SGCD: variants seen among roughly 807,000 people sequenced by gnomAD.
The protein encoded by SGCD is delta-sarcoglycan.
In SGCD, 18 loss-of-function variants were observed where a neutral mutation model predicts 36.6. The ratio of observed to expected loss-of-function variants is 0.49; its 90% CI spans 0.34 to 0.73. The LOEUF is 0.73. SGCD is among the 30% of genes least tolerant of loss of function. The pLI is 0.01. For missense variants in SGCD, 387 were observed against 346.7 expected (o/e 1.12, Z -0.92); for synonymous variants, 133 against 130.6 (o/e 1.02, Z -0.12).
chr5:156,757,923 C>A (rs1280341054), intron 8 of SGCD: 2 of 1,305,146 alleles, frequency 1.5e-6, no homozygotes, highest in Non-Finnish European at 2.0e-6. Context: ...GAGATAATGG[C>A]ATGTATTCCA....
At chr5:155,999,000 A>G (rs9313769) in intron 1 of SGCD, among the ~76,000 whole-genome samples, 8,275 of 152,280 alleles carry the variant, frequency 0.054, 721 homozygotes, top group African/African-American at 0.18. Context: ...AATCCTACAC[A>G]TAGAAATGTG....
chr5:156,197,257 T>A (rs1764044304), intron 3 of SGCD, among the ~76,000 whole-genome samples: 1 of 152,174 alleles, frequency 6.6e-6, no homozygotes, highest in African/African-American at 2.4e-5. Context: ...TTGCCCTGCA[T>A]GAATAATGTT....
the SGCD span, among the ~76,000 whole-genome samples, chr5:155,823,158 T>C: frequency 1.1e-4 from 17 of 152,026 alleles, no homozygotes; most frequent in African/African-American, 4.1e-4. Flanking sequence ...AAAAGGAGAT[T>C]TATTATGAGG....
chr5:156,289,960 A>G (rs1258302425), intron 3 of SGCD, among the ~76,000 whole-genome samples: 2 of 152,178 alleles, frequency 1.3e-5, no homozygotes, highest in Non-Finnish European at 2.9e-5. Context: ...CATGTGCTGT[A>G]AAACAAACAT....
At chr5:156,236,451 CTT>C (rs34510001) in intron 3 of SGCD, among the ~76,000 whole-genome samples, 16 of 142,128 alleles carry the variant, frequency 1.1e-4, no homozygotes, top group Non-Finnish European at 1.1e-4. Context: ...AATTCGTATA[CTT>C]TTTTTTTTTT....
intron 6 of SGCD, among the ~76,000 whole-genome samples, chr5:156,624,393 AAC>A (rs1225296288): frequency 2.0e-5 from 3 of 152,174 alleles, no homozygotes; most frequent in African/African-American, 4.8e-5. Context: ...CATCCTGACT[AAC>A]ACGGTGAAAA....
intron 1 of SGCD, among the ~76,000 whole-genome samples, chr5:156,114,791 T>C (rs1367516731): frequency 6.6e-6 from 1 of 152,150 alleles, no homozygotes; most frequent in East Asian, 1.9e-4. Flanking sequence ...TAAAGATATA[T>C]TGATTAATGT....
the SGCD span, among the ~76,000 whole-genome samples, chr5:155,755,349 G>A: frequency 6.6e-6 from 1 of 152,140 alleles, no homozygotes; most frequent in Non-Finnish European, 1.5e-5. Flanking sequence ...AGGACTTGAT[G>A]TTTTATTTCT....
chr5:156,440,422 GAAC>G (rs1383722137), intron 3 of SGCD, among the ~76,000 whole-genome samples: 6 of 152,222 alleles, frequency 3.9e-5, no homozygotes, highest in African/African-American at 1.2e-4. Context: ...ATGCTGCGAT[GAAC>G]AACATTTGTG....
At chr5:156,695,495 AGATAGATAGATAGATG>A (rs796893471) in intron 7 of SGCD, among the ~76,000 whole-genome samples, 24 of 108,358 alleles carry the variant, frequency 2.2e-4, no homozygotes, top group African/African-American at 3.6e-4. Context: ...ATAGATAGAT[AGATAGATAGATAGATG>A]GATAGATAGA....
the SGCD span, among the ~76,000 whole-genome samples, chr5:155,793,591 G>T: frequency 1.3e-5 from 2 of 151,148 alleles, no homozygotes; most frequent in African/African-American, 4.9e-5. Context: ...GACCAGGCTG[G>T]AGTGCAGTGG....
intron 7 of SGCD, among the ~76,000 whole-genome samples, chr5:156,687,516 T>C (rs752139766): frequency 1.3e-5 from 2 of 152,182 alleles, no homozygotes; most frequent in Non-Finnish European, 2.9e-5. Context: ...CTGAACTGAA[T>C]AGCTATCGGA....
chr5:156,669,352 G>T (rs536023432), intron 7 of SGCD, among the ~76,000 whole-genome samples: 1 of 152,256 alleles, frequency 6.6e-6, no homozygotes, highest in South Asian at 2.1e-4. Flanking sequence ...TCATCAGGAG[G>T]TCACATAAGC....
intron 3 of SGCD, among the ~76,000 whole-genome samples, chr5:156,422,530 T>C (rs1251393947): frequency 1.3e-5 from 2 of 152,020 alleles, no homozygotes; most frequent in Non-Finnish European, 2.9e-5. Flanking sequence ...TCACTGAAAA[T>C]GGCTATGCCA....
At chr5:156,389,595 T>G (rs1315312921) in intron 3 of SGCD, among the ~76,000 whole-genome samples, 3 of 152,056 alleles carry the variant, frequency 2.0e-5, no homozygotes, top group Admixed American at 6.6e-5. Context: ...GCTAGAGGGT[T>G]TCAGAATGAA....
chr5:156,522,063 G>T (rs1421264967), intron 4 of SGCD, among the ~76,000 whole-genome samples: 1 of 152,134 alleles, frequency 6.6e-6, no homozygotes, highest in Non-Finnish European at 1.5e-5. Context: ...GATGAAGCTG[G>T]AAACCATCAT....
chr5:156,179,312 A>G (rs927474203), intron 3 of SGCD, among the ~76,000 whole-genome samples: 1 of 152,210 alleles, frequency 6.6e-6, no homozygotes, highest in Admixed American at 6.5e-5. Context: ...GAGTGCAGCT[A>G]CATGCAATTT....
At chr5:155,858,145 A>T in the SGCD span, among the ~76,000 whole-genome samples, 3 of 152,056 alleles carry the variant, frequency 2.0e-5, no homozygotes, top group African/African-American at 7.2e-5. Context: ...ACTTCAGTCT[A>T]TTGTCTGTGT....
chr5:155,772,474 C>A, the SGCD span, among the ~76,000 whole-genome samples: 1 of 152,152 alleles, frequency 6.6e-6, no homozygotes, highest in Admixed American at 6.5e-5. Flanking sequence ...CTTCATCAGG[C>A]AGAGACAGGG....
Sources: gnomAD v4.1 joint callset for allele counts (sites outside exome capture counted in the v4.1 genomes callset) on GRCh38, gnomAD v4.1.1 for gene constraint, MANE v1.5 for transcripts, NCBI Gene and HGNC (gene_info 2026-07-23, HGNC 2026-07-21) for gene names.